The following CACNA1C variants were observed in gnomAD, a reference collection of about 807,000 sequenced individuals.
CACNA1C encodes voltage-dependent L-type calcium channel subunit alpha-1C.
A neutral mutation model predicts 229.0 loss-of-function variants in CACNA1C; 30 were observed. The observed-to-expected ratio is 0.13, with a 90% CI of 0.10 to 0.18. The LOEUF is 0.18. Ranked by LOEUF, CACNA1C falls within the 10% of genes least tolerant of loss-of-function variation. CACNA1C has a pLI of 1.00. For missense variants in CACNA1C, 1,658 were observed against 2,845.0 expected (o/e 0.58, Z 9.49); for synonymous variants, 1,114 against 1,132.5 (o/e 0.98, Z 0.33).
At chr12:2,433,494 C>T (rs1350171502) in intron 3 of CACNA1C, among the ~76,000 whole-genome samples, 2 of 152,248 alleles carry the variant, frequency 1.3e-5, no homozygotes, top group African/African-American at 4.8e-5. Context: ...CACCCATTCA[C>T]TCACGCATTC....
In CACNA1C at chr12:2,181,652, AG is replaced by A. The variant is rs1405503313; in HGVS notation, c.477+61223del. On this transcript the variant is annotated intron_variant, in intron 3 of 46. Coordinates refer to ENST00000399655, the MANE Select transcript of CACNA1C (RefSeq NM_000719.7). This position sits in a 1 kb window ranked among gnomAD's most constrained non-coding sequence, Gnocchi z 4.0. ...AGTGAGTAGTGTGTAGGCCAGGGCAAGAAAAAGAAGAGCAATAATATTCTAG... is the reference window on the plus strand; with the variant it reads ...AGTGAGTAGTGTGTAGGCCAGGGCAAAAAAAGAAGAGCAATAATATTCTAG... Among the ~76,000 whole-genome samples the A allele has an allele frequency of 2.6e-5, 4 of 152,168 alleles. No individual in the cohort carries two copies. Among genetic ancestry groups the A allele is most frequent in the African/African-American group, 7.2e-5 (3 of 41,438 alleles).
intron 1 of CACNA1C, among the ~76,000 whole-genome samples, chr12:2,001,379 G>A (rs1323033396): frequency 2.0e-5 from 3 of 152,028 alleles, no homozygotes; most frequent in African/African-American, 7.3e-5. Flanking sequence ...TACAATTTGA[G>A]GATTTAATAT....
At chr12:2,003,651 A>G (rs1462309940) in intron 1 of CACNA1C, among the ~76,000 whole-genome samples, 3 of 152,226 alleles carry the variant, frequency 2.0e-5, no homozygotes, top group South Asian at 2.1e-4. Context: ...TGGCTCCCAA[A>G]TGACCTCCAA....
intron 2 of CACNA1C, among the ~76,000 whole-genome samples, chr12:2,119,309 C>T (rs2085431756): frequency 6.6e-6 from 1 of 152,258 alleles, no homozygotes; most frequent in Non-Finnish European, 1.5e-5. Flanking sequence ...TCCTCCTCCT[C>T]CTCCTGTGAG....
intron 38 of CACNA1C, 107 bp from the exon 39 acceptor site, chr12:2,674,434 A>G (rs2096704918): frequency 7.6e-6 from 11 of 1,451,226 alleles, no homozygotes; most frequent in Non-Finnish European, 8.3e-6. Flanking sequence ...CTGATGAGTC[A>G]GGGTTGCGTG....
chr12:2,250,483 A>G (rs1020606512), intron 3 of CACNA1C, among the ~76,000 whole-genome samples: 2 of 152,236 alleles, frequency 1.3e-5, no homozygotes, highest in Non-Finnish European at 2.9e-5. Context: ...TTCACTGAAC[A>G]CTTTTACATC....
In CACNA1C at chr12:2,585,239, G is replaced by A. The variant is rs2061978483; in HGVS notation, c.2340-137G>A. 6.5e-6 allele frequency: 5 copies of A among 771,766 alleles called. No individual in the cohort carries two copies. The highest frequency in any genetic ancestry group is 9.8e-6 in the Non-Finnish European group (5 of 510,472). The allele number at this position is 771,766 out of a possible 1,614,324, so 47.8% of individuals were successfully genotyped here. Reference sequence around the variant, plus strand: ...CTGAGCTGCACACGAGAAGCGTCCTGGAGAAAGGAAGATGGACTCAGACCC... The same window carrying A: ...CTGAGCTGCACACGAGAAGCGTCCTAGAGAAAGGAAGATGGACTCAGACCC... On this transcript the variant is annotated intron_variant, in intron 16 of 46. Transcript: ENST00000399655. The surrounding 1 kb of genome is among the most constrained non-coding windows in gnomAD (Gnocchi z 4.1).
intron 1 of CACNA1C, among the ~76,000 whole-genome samples, chr12:2,014,271 C>A (rs75578656): frequency 0.026 from 2,741 of 107,000 alleles, 77 homozygotes; most frequent in African/African-American, 0.11. Flanking sequence ...GAAAAATAGG[C>A]ATCTTTTTTT....
At chr12:2,239,753 G>A (rs995364715) in intron 3 of CACNA1C, among the ~76,000 whole-genome samples, 3 of 152,158 alleles carry the variant, frequency 2.0e-5, no homozygotes, top group East Asian at 1.9e-4. Flanking sequence ...CTGTGTGCCC[G>A]GCTACCATTC....
chr12:2,168,185 A>G (rs1411736499), intron 3 of CACNA1C, among the ~76,000 whole-genome samples: 1 of 152,174 alleles, frequency 6.6e-6, no homozygotes, highest in Admixed American at 6.5e-5. Flanking sequence ...AGGAATTTGA[A>G]CTAGATCCTG....
In CACNA1C at chr12:2,633,353, C is replaced by T. The variant is rs189783034; in HGVS notation, c.3829-944C>T. ...ACACCCACTCCTGCCCCTGGTGGGA[C>T]GTGGACAGGGCCTCTGTGGAGAAGG... is the stretch of plus-strand genomic sequence containing the variant. On this transcript the variant is annotated intron_variant, in intron 29 of 46. Coordinates refer to ENST00000399655, the MANE Select transcript of CACNA1C (RefSeq NM_000719.7). This position sits in a 1 kb window ranked among gnomAD's most constrained non-coding sequence, Gnocchi z 5.8. 1.1e-4 allele frequency among the ~76,000 whole-genome samples: 16 copies of T among 152,290 alleles called. No individual in the cohort carries two copies. The highest frequency in any genetic ancestry group is 3.6e-4 in the African/African-American group (15 of 41,572).
chr12:2,020,149 C>T (rs1479753465), intron 1 of CACNA1C: 1 of 152,172 alleles, frequency 6.6e-6, no homozygotes, highest in Non-Finnish European at 1.5e-5. Flanking sequence ...TTAACAAATG[C>T]TCTTTGGTGG....
rs1040024057 is a variant in CACNA1C at position 2,410,493 on chromosome 12, A to G, written c.478-38483A>G. Among the ~76,000 whole-genome samples, 2 of 152,252 alleles carry G rather than the reference A, an allele frequency of 1.3e-5. No individual in the cohort carries two copies. The highest frequency in any genetic ancestry group is 2.9e-5 in the Non-Finnish European group (2 of 68,044). ...GATTTCCATGGATTACTTTGTGCAA[A>G]GGATGCCAAAACCAAATATTTAAAG... is the stretch of plus-strand genomic sequence containing the variant. On this transcript the variant is annotated intron_variant, in intron 3 of 46. Transcript: ENST00000399655. The surrounding 1 kb of genome is among the most constrained non-coding windows in gnomAD (Gnocchi z 5.3).
intron 3 of CACNA1C, among the ~76,000 whole-genome samples, chr12:2,363,614 C>T (rs1365162412): frequency 6.6e-6 from 1 of 151,838 alleles, no homozygotes; most frequent in Non-Finnish European, 1.5e-5. Context: ...CCCCACCCTT[C>T]CTGCTTCCTG....
intron 11 of CACNA1C, among the ~76,000 whole-genome samples, chr12:2,559,619 C>G (rs1369212204): frequency 6.6e-6 from 1 of 152,248 alleles, no homozygotes; most frequent in Admixed American, 6.5e-5. Context: ...TTGGCACTAT[C>G]ATTGAAACTC....
intron 3 of CACNA1C, among the ~76,000 whole-genome samples, chr12:2,347,307 C>G (rs1214386620): frequency 6.6e-6 from 1 of 152,252 alleles, no homozygotes; most frequent in Non-Finnish European, 1.5e-5. Flanking sequence ...GGTTGCCTGT[C>G]TTCCCGATCA....
chr12:2,106,533 G>A (rs867591916), intron 1 of CACNA1C, among the ~76,000 whole-genome samples: 2 of 113,498 alleles, frequency 1.8e-5, no homozygotes, highest in African/African-American at 6.8e-5. Flanking sequence ...GCCACTGGGC[G>A]CCCACCCTGG....
At chr12:2,526,173 C>T (rs2099818211) in intron 9 of CACNA1C, among the ~76,000 whole-genome samples, 1 of 152,184 alleles carries the variant, frequency 6.6e-6, no homozygotes, top group African/African-American at 2.4e-5. Flanking sequence ...CCATCGCCAT[C>T]CAAAAATTAC....
rs552324599 is a variant in CACNA1C at position 2,470,976 on chromosome 12, C to A, written c.757+13270C>A. Among the ~76,000 whole-genome samples, 9 of 152,218 alleles carry A rather than the reference C, an allele frequency of 5.9e-5. No individual in the cohort carries two copies. The East Asian group carries it at 1.5e-3, about 26-fold the overall frequency. On this transcript the variant is annotated intron_variant, in intron 5 of 46. Transcript: ENST00000399655. ...TCTTCCAAGTAGCTGGGATTATAGG[C>A]ATGTGCCACCACGCCTGGCTAATTT...
Sources: allele counts gnomAD v4.1 joint callset (sites outside exome capture counted in the v4.1 genomes callset), GRCh38; gene constraint gnomAD v4.1.1; non-coding constraint Gnocchi (gnomAD v3.1); transcripts MANE v1.5; gene names NCBI Gene and HGNC (gene_info 2026-07-23, HGNC 2026-07-21).